Variants in SAMD5 observed in about 807,000 individuals in gnomAD.
The protein encoded by SAMD5 is sterile alpha motif domain-containing protein 5.
Under a neutral mutation model 11.3 loss-of-function variants are expected in SAMD5, and 13 were observed. That is an observed-to-expected ratio of 1.15 (90% confidence interval 0.75 to 1.83). The LOEUF is 1.83. SAMD5 is among the 40% of genes most tolerant of loss of function. The pLI is 0.00. For synonymous variants in SAMD5, 129 were observed against 111.3 expected, an observed-to-expected ratio of 1.16 and a Z score of -1.00; for missense variants, 255 against 239.1, an observed-to-expected ratio of 1.07 and a Z score of -0.44.
Position 147,618,072 on chromosome 6 carries a change from T to C in SAMD5, c.162+108685T>C, listed in dbSNP as rs530960749. ...ACTCCAACAGGCTACTTTTTATGTT[T>C]TGACTCATTTAATCCTCATAGTAAC... On this transcript the variant is annotated intron_variant, in intron 1 of 1. Transcript: ENST00000566741. 2.7e-4 allele frequency among the ~76,000 whole-genome samples: 41 copies of C among 152,330 alleles called. 1 individual carries two copies. Among genetic ancestry groups the C allele is most frequent in the African/African-American group, 8.7e-4 (36 of 41,586 alleles).
the SAMD5 span, among the ~76,000 whole-genome samples, chr6:147,778,348 A>T: frequency 6.6e-6 from 1 of 151,862 alleles, no homozygotes; most frequent in Non-Finnish European, 1.5e-5. Context: ...CTCCTGCCAG[A>T]CTCTAGGCTT....
chr6:147,902,555 C>T, the SAMD5 span, among the ~76,000 whole-genome samples: 82 of 152,296 alleles, frequency 5.4e-4, no homozygotes, highest in Non-Finnish European at 1.0e-3. Flanking sequence ...AACAAATCAT[C>T]TGCACACACT....
the SAMD5 span, among the ~76,000 whole-genome samples, chr6:147,910,674 C>T: frequency 3.9e-5 from 6 of 152,208 alleles, no homozygotes; most frequent in South Asian, 4.1e-4. Context: ...CAGACTTTTA[C>T]ACAATACGGT....
Position 147,509,121 on chromosome 6 carries a change from C to T in SAMD5, c.193C>T (p.Gln65Ter), listed in dbSNP as rs1012510933. 1.3e-6 allele frequency: 2 copies of T among 1,576,226 alleles called. No individual in the cohort carries two copies. Among genetic ancestry groups the T allele is most frequent in the East Asian group, 2.5e-5 (1 of 40,750 alleles). ...ILEAVRRLRE[Q>*]DANAAGLYFT... ...GGAGGCCGTGCGCCGGCTGCGGGAG[C>T]AGGACGCCAACGCCGCCGGCCTCTA... Residue 65 changes from glutamine to a stop codon, truncating the protein, a stop_gained, in exon 1 of 2, where the codon CAG becomes TAG. Coordinates refer to ENST00000367474, the MANE Select transcript of SAMD5 (RefSeq NM_001030060.3). LOFTEE classifies it high-confidence loss of function.
chr6:147,767,843 C>T, the SAMD5 span, among the ~76,000 whole-genome samples: 1 of 151,966 alleles, frequency 6.6e-6, no homozygotes, highest in African/African-American at 2.4e-5. Flanking sequence ...ACAAGGTGGC[C>T]CTTTACAATT....
intron 1 of SAMD5, among the ~76,000 whole-genome samples, chr6:147,653,403 A>G (rs1790518034): frequency 6.6e-6 from 1 of 152,232 alleles, no homozygotes; most frequent in Non-Finnish European, 1.5e-5. Context: ...TGCATATCAC[A>G]GCTATAAAGT....
At chr6:147,838,511 C>G in the SAMD5 span, among the ~76,000 whole-genome samples, 1 of 148,924 alleles carries the variant, frequency 6.7e-6, no homozygotes, top group African/African-American at 2.5e-5. Flanking sequence ...CTAAAACACA[C>G]TAGGAACTAA....
the SAMD5 span, among the ~76,000 whole-genome samples, chr6:147,945,705 A>G: frequency 6.6e-6 from 1 of 152,178 alleles, no homozygotes; most frequent in African/African-American, 2.4e-5. Flanking sequence ...AAACAGTGGC[A>G]GGAACGTTAG....
At chr6:147,613,589 G>T (rs548291766) in intron 1 of SAMD5, among the ~76,000 whole-genome samples, 2 of 152,020 alleles carry the variant, frequency 1.3e-5, no homozygotes, top group East Asian at 3.9e-4. Context: ...CAGGAACTTA[G>T]TAGCTAATAT....
At chr6:147,793,045 C>T in the SAMD5 span, among the ~76,000 whole-genome samples, 1 of 152,142 alleles carries the variant, frequency 6.6e-6, no homozygotes, top group East Asian at 1.9e-4. Flanking sequence ...GTGTGGACTG[C>T]ATGTAGTGAC....
the SAMD5 span, among the ~76,000 whole-genome samples, chr6:147,748,963 C>G: frequency 6.6e-6 from 1 of 152,160 alleles, no homozygotes; most frequent in East Asian, 1.9e-4. Context: ...AAGGTACTCT[C>G]CGTTTATTGA....
chr6:147,573,915 G>A (rs1196453914), downstream of SAMD5, among the ~76,000 whole-genome samples: 1 of 152,094 alleles, frequency 6.6e-6, no homozygotes, highest in East Asian at 1.9e-4. Flanking sequence ...ATGAGGTCAG[G>A]AGATCAAGAC....
At chr6:147,932,878 G>T in the SAMD5 span, among the ~76,000 whole-genome samples, 1 of 152,070 alleles carries the variant, frequency 6.6e-6, no homozygotes, top group South Asian at 2.1e-4. Context: ...TTGAACTTCG[G>T]TAAATTGATT....
At chr6:147,765,782 C>A in the SAMD5 span, among the ~76,000 whole-genome samples, 1 of 152,106 alleles carries the variant, frequency 6.6e-6, no homozygotes, top group Non-Finnish European at 1.5e-5. Flanking sequence ...ACTCATCCTC[C>A]CTGGAGGATA....
At chr6:147,551,812 T>TTTTATA (rs368122795) in intron 1 of SAMD5, among the ~76,000 whole-genome samples, 2 of 99,456 alleles carry the variant, frequency 2.0e-5, no homozygotes, top group Non-Finnish European at 4.2e-5. Context: ...TATATATATG[T>TTTTATA]TATATATATA....
chr6:147,729,265 T>G (rs1355390440), intron 1 of SAMD5, among the ~76,000 whole-genome samples: 1 of 152,180 alleles, frequency 6.6e-6, no homozygotes, highest in Non-Finnish European at 1.5e-5. Flanking sequence ...CCAAATAAAG[T>G]CACATTTGGG....
chr6:147,821,785 G>T, the SAMD5 span, among the ~76,000 whole-genome samples: 1 of 152,148 alleles, frequency 6.6e-6, no homozygotes, highest in African/African-American at 2.4e-5. Context: ...ACTGAAAAAG[G>T]CTCTGTGAGA....
chr6:147,762,295 T>G, the SAMD5 span, among the ~76,000 whole-genome samples: 1 of 152,170 alleles, frequency 6.6e-6, no homozygotes, highest in Non-Finnish European at 1.5e-5. Flanking sequence ...AACCTCTGTC[T>G]TCAAGTGATT....
the SAMD5 span, among the ~76,000 whole-genome samples, chr6:147,907,376 G>A: frequency 5.9e-5 from 9 of 152,162 alleles, no homozygotes; most frequent in Admixed American, 2.6e-4. Context: ...CTGCACATAC[G>A]TTACAGGATA....
Sources: gnomAD v4.1 joint callset for allele counts (sites outside exome capture counted in the v4.1 genomes callset) on GRCh38, gnomAD v4.1.1 for gene constraint, MANE v1.5 for transcripts, NCBI Gene and HGNC (gene_info 2026-07-23, HGNC 2026-07-21) for gene names.